Variants in MIA2 observed in about 807,000 individuals in gnomAD.
MIA2 encodes the protein melanoma inhibitory activity protein 2.
In MIA2, 127 loss-of-function variants were observed where a neutral mutation model predicts 167.8. That is an observed-to-expected ratio of 0.76 (90% CI 0.66 to 0.88). The LOEUF is 0.88. Among genes scored for constraint, MIA2 ranks in the 40% least tolerant of loss-of-function variants. The probability of loss-of-function intolerance (pLI) is 0.00; values close to 1 mark genes in which losing one functional copy is unlikely to be tolerated. For missense variants in MIA2, 1,690 were observed against 1,624.7 expected (o/e 1.04, Z -0.69); for synonymous variants, 552 against 541.9 (o/e 1.02, Z -0.26).
intron 23 of MIA2, among the ~76,000 whole-genome samples, chr14:39,378,563 C>G (rs1182241468): frequency 6.6e-6 from 1 of 152,164 alleles, no homozygotes; most frequent in Non-Finnish European, 1.5e-5. Context: ...GTTAAAGACA[C>G]AACTGACAAG....
chr14:39,251,275 G>A (rs186734462), intron 4 of MIA2, among the ~76,000 whole-genome samples: 28 of 151,574 alleles, frequency 1.8e-4, no homozygotes, highest in Non-Finnish European at 3.2e-4. Context: ...TGTGCATAAC[G>A]ATTTTACAAA....
chr14:39,308,179 A>C (rs2063662739), intron 17 of MIA2, among the ~76,000 whole-genome samples: 1 of 152,160 alleles, frequency 6.6e-6, no homozygotes, highest in Non-Finnish European at 1.5e-5. Flanking sequence ...GGCGATGGTT[A>C]TGCTAATTAC....
intron 23 of MIA2, among the ~76,000 whole-genome samples, chr14:39,370,090 T>C (rs2074904862): frequency 6.6e-6 from 1 of 152,248 alleles, no homozygotes; most frequent in Non-Finnish European, 1.5e-5. Flanking sequence ...AATACAACAT[T>C]GAATTACTGC....
At position 39,277,044 on chromosome 14, in the gene MIA2, T is replaced by A. The variant is rs199650703; in HGVS notation, c.1998T>A (p.Phe666Leu). Residue 666 changes from phenylalanine to leucine, a missense_variant, in exon 7 of 29, where the codon TTT (phenylalanine) becomes TTA (leucine). Physicochemically the swap from Phe to Leu is conservative, Grantham distance 22 (BLOSUM62 0). Coordinates refer to ENST00000640607, the MANE Select transcript of MIA2 (RefSeq NM_001329214.4). ...AVVGFFAVLF[F>L]LWRSFRSVRS... The stretch of plus-strand genomic sequence containing the variant: ...TTGGATTTTTTGCTGTTCTCTTTTT[T>A]TTGTGGAGAAGTTTTAGATCGGTAA... 1.9e-6 allele frequency: 3 copies of A among 1,613,800 alleles called. No individual in the cohort carries two copies. The highest frequency in any genetic ancestry group is 2.2e-5 in the South Asian group (2 of 91,052).
intron 23 of MIA2, among the ~76,000 whole-genome samples, chr14:39,368,339 G>C (rs1595950746): frequency 6.6e-6 from 1 of 152,310 alleles, no homozygotes; most frequent in African/African-American, 2.4e-5. Context: ...CAGGGCAGTG[G>C]CAATTCCCAG....
At chr14:39,363,287 T>G (rs1005146110) in intron 23 of MIA2, among the ~76,000 whole-genome samples, 5 of 152,234 alleles carry the variant, frequency 3.3e-5, no homozygotes, top group Non-Finnish European at 7.3e-5. Context: ...CTCAGCACTT[T>G]GGGAGGCCAA....
chr14:39,299,305 C>CTTTT (rs34424266), intron 13 of MIA2, among the ~76,000 whole-genome samples: 28,460 of 93,896 alleles, frequency 0.3, 6,251 homozygotes, highest in South Asian at 0.4. Flanking sequence ...AATGGTATTT[C>CTTTT]TTTTTTTTTT....
At chr14:39,383,707 A>C (rs2139373265) in intron 23 of MIA2, among the ~76,000 whole-genome samples, 1 of 152,354 alleles carries the variant, frequency 6.6e-6, no homozygotes, top group Middle Eastern at 3.4e-3. Flanking sequence ...CACATGAATG[A>C]TAAGAAAGTG....
intron 13 of MIA2, 76 bp downstream of exon 13, chr14:39,295,105 A>G: frequency 2.0e-5 from 20 of 989,928 alleles, no homozygotes; most frequent in Non-Finnish European, 3.1e-5. Context: ...TGACTGACCC[A>G]TGCTAGGGAC....
chr14:39,271,312 G>A (rs1340261905), intron 6 of MIA2, among the ~76,000 whole-genome samples: 2 of 151,912 alleles, frequency 1.3e-5, no homozygotes, highest in Non-Finnish European at 2.9e-5. Flanking sequence ...CTATTTCATT[G>A]GTCTGTGTCT....
At chr14:39,366,665 C>A (rs542374569) in intron 23 of MIA2, among the ~76,000 whole-genome samples, 2 of 152,302 alleles carry the variant, frequency 1.3e-5, no homozygotes, top group South Asian at 4.1e-4. Context: ...TCAGTCTGTC[C>A]TGTGGTATGC....
At chr14:39,319,123 G>C (rs1200723646) in intron 22 of MIA2, 86 bp from the exon 23 acceptor site, 1 of 610,850 alleles carries the variant, frequency 1.6e-6, no homozygotes, top group Non-Finnish European at 2.9e-6. Flanking sequence ...AAATAGTGAA[G>C]AGCAGCTTGT....
intron 6 of MIA2, chr14:39,267,055 C>T: frequency 1.2e-5 from 13 of 1,057,082 alleles, no homozygotes; most frequent in East Asian, 9.2e-5. Context: ...GCGCCGGCCC[C>T]TTTAAGAGCA....
intron 9 of MIA2, among the ~76,000 whole-genome samples, chr14:39,289,141 C>T (rs2060372680): frequency 6.6e-6 from 1 of 151,830 alleles, no homozygotes; most frequent in Admixed American, 6.6e-5. Flanking sequence ...ACTTTAATAA[C>T]AGATTGAGAT....
intron 21 of MIA2, among the ~76,000 whole-genome samples, chr14:39,317,270 C>T (rs2065644605): frequency 6.6e-6 from 1 of 152,128 alleles, no homozygotes; most frequent in African/African-American, 2.4e-5. Flanking sequence ...ATGAAAGTGA[C>T]ACTGAGCAGT....
chr14:39,332,621 T>A (rs1293136423), intron 25 of MIA2, among the ~76,000 whole-genome samples: 1 of 152,154 alleles, frequency 6.6e-6, no homozygotes, highest in South Asian at 2.1e-4. Flanking sequence ...GGATGGAGTT[T>A]TTGCTTGGTC....
intron 6 of MIA2, among the ~76,000 whole-genome samples, chr14:39,271,933 C>G (rs954208586): frequency 6.6e-6 from 1 of 152,084 alleles, no homozygotes; most frequent in Non-Finnish European, 1.5e-5. Flanking sequence ...CAGGAAAGTC[C>G]CCCTGTGTGG....
chr14:39,355,128 A>C (rs2074488106), downstream of MIA2, among the ~76,000 whole-genome samples: 2 of 150,894 alleles, frequency 1.3e-5, no homozygotes, highest in African/African-American at 4.9e-5. Context: ...ATGGCATTGA[A>C]TCTATAAATT....
intron 4 of MIA2, among the ~76,000 whole-genome samples, chr14:39,251,177 T>C (rs993204191): frequency 6.6e-6 from 1 of 152,164 alleles, no homozygotes; most frequent in Non-Finnish European, 1.5e-5. Context: ...AGGCTCAGAC[T>C]TGAGATAACC....
Sources: gnomAD v4.1 joint callset for allele counts (sites outside exome capture counted in the v4.1 genomes callset) on GRCh38, gnomAD v4.1.1 for gene constraint, MANE v1.5 for transcripts, NCBI Gene and HGNC (gene_info 2026-07-23, HGNC 2026-07-21) for gene names.